Variants in DLST observed in about 807,000 individuals in gnomAD.
DLST encodes dihydrolipoamide S-succinyltransferase.
In DLST, 17 loss-of-function variants were observed where a neutral mutation model predicts 53.1. That is an observed-to-expected ratio of 0.32 (90% CI 0.22 to 0.48). The LOEUF is 0.48. Ranked by LOEUF, DLST falls within the 20% of genes least tolerant of loss-of-function variation. The pLI is 0.99. For missense variants in DLST, 512 were observed against 583.9 expected, an observed-to-expected ratio of 0.88 and a Z score of 1.27; for synonymous variants, 206 against 204.8, an observed-to-expected ratio of 1.01 and a Z score of -0.05.
At chr14:74,882,874 C>T (rs1883576921) in intron 2 of DLST, among the ~76,000 whole-genome samples, 1 of 152,210 alleles carries the variant, frequency 6.6e-6, no homozygotes, top group Admixed American at 6.5e-5. Context: ...AGTTCTTGCC[C>T]TCGTGGAGCT....
chr14:74,898,335 T>C (rs573219753), intron 10 of DLST, 34 bp from the exon 11 acceptor site: 1 of 1,602,532 alleles, frequency 6.2e-7, no homozygotes, highest in African/African-American at 1.3e-5. Flanking sequence ...AAATGCAGGC[T>C]TTGTGGTCAG....
intron 7 of DLST, chr14:74,891,944 TA>T: frequency 1.4e-6 from 1 of 711,382 alleles, no homozygotes; most frequent in Non-Finnish European, 1.7e-6. Flanking sequence ...GTCTTAGCAC[TA>T]ACCCTGGATA....
intron 2 of DLST, among the ~76,000 whole-genome samples, chr14:74,883,316 T>C (rs1222052525): frequency 7.1e-6 from 1 of 139,886 alleles, no homozygotes; most frequent in Non-Finnish European, 1.5e-5. Context: ...AAAAAAAAAG[T>C]TATGGCTAGC....
At chr14:74,898,028 AGGAT>A (rs907892059) in intron 10 of DLST, among the ~76,000 whole-genome samples, 1 of 149,788 alleles carries the variant, frequency 6.7e-6, no homozygotes, top group African/African-American at 2.5e-5. Flanking sequence ...ATTTTTTTTC[AGGAT>A]GGATAGCTCA....
At chr14:74,891,283 A>C in intron 7 of DLST, 116 bp downstream of exon 7, 1 of 1,521,428 alleles carries the variant, frequency 6.6e-7, no homozygotes, top group Non-Finnish European at 8.9e-7. Context: ...AGCTGCCCTT[A>C]GTTGAGGGAA....
intron 10 of DLST, among the ~76,000 whole-genome samples, chr14:74,898,041 C>T (rs1377014433): frequency 1.3e-5 from 2 of 150,050 alleles, no homozygotes; most frequent in Non-Finnish European, 2.9e-5. Flanking sequence ...ATGGATAGCT[C>T]AGTTATTCAG....
At chr14:74,883,911 G>A (rs570885890) in intron 2 of DLST, among the ~76,000 whole-genome samples, 54 of 152,246 alleles carry the variant, frequency 3.5e-4, no homozygotes, top group Non-Finnish European at 6.6e-4. Context: ...CTCTAGCCTC[G>A]AGATTTTATG....
At chr14:74,894,891 T>C (rs906840064) in intron 10 of DLST, among the ~76,000 whole-genome samples, 3 of 152,108 alleles carry the variant, frequency 2.0e-5, no homozygotes, top group Non-Finnish European at 4.4e-5. Flanking sequence ...GCTTCTTCTC[T>C]AATTGGCTTT....
At position 74,891,246 on chromosome 14, in the gene DLST, C is replaced by T. The variant is rs115591330; in HGVS notation, c.442+79C>T. ...GACTGAGCATAATGTGCTAATTCCC[C>T]GATATGTCAAAGACTCTTGTCATTC... is the stretch of plus-strand genomic sequence containing the variant. On this transcript the variant is annotated intron_variant, in intron 7 of 14. Coordinates refer to ENST00000334220, the MANE Select transcript of DLST (RefSeq NM_001933.5). 6,994 of 1,590,518 alleles carry T rather than the reference C, an allele frequency of 4.4e-3. 97 individuals carry two copies. The highest frequency in any genetic ancestry group is 0.03 in the African/African-American group (2,249 of 74,516).
chr14:74,901,476 A>G (rs1884244405), intron 14 of DLST, among the ~76,000 whole-genome samples: 2 of 152,240 alleles, frequency 1.3e-5, no homozygotes, highest in South Asian at 4.1e-4. Flanking sequence ...ATCCTGATGC[A>G]TATTCAAGTT....
chr14:74,888,276 T>G (rs992870390), intron 3 of DLST, among the ~76,000 whole-genome samples: 1,210 of 69,756 alleles, frequency 0.017, 10 homozygotes, highest in African/African-American at 0.055. Context: ...GTTTTTGGGT[T>G]TTTTTTTTTT....
chr14:74,893,980 A>G (rs1883994295), intron 9 of DLST, among the ~76,000 whole-genome samples: 1 of 152,216 alleles, frequency 6.6e-6, no homozygotes, highest in African/African-American at 2.4e-5. Flanking sequence ...ATCAACAGAA[A>G]GTGCCCTTTT....
At position 74,881,969 on chromosome 14, in the gene DLST, C is replaced by A. The variant is rs544892049; in HGVS notation, c.16C>A (p.Arg6Ser). Residue 6 changes from arginine (R) to serine (S), a missense_variant, in exon 1 of 15, where the codon CGC becomes AGC. Coordinates refer to ENST00000334220, the MANE Select transcript of DLST (RefSeq NM_001933.5). Reference sequence around the variant, plus strand: ...CTCCGCCGTGATGCTGTCCCGATCCCGCTGTGTGTCTCGGGCGTTCAGCCG... The same window carrying A: ...CTCCGCCGTGATGCTGTCCCGATCCAGCTGTGTGTCTCGGGCGTTCAGCCG... MLSRS[R>S]CVSRAFSRSL... 76 of 1,569,916 alleles carry A rather than the reference C, an allele frequency of 4.8e-5. No homozygotes were observed. Among genetic ancestry groups the A allele is most frequent in the Admixed American group, 1.2e-4 (7 of 57,302 alleles).
At chr14:74,890,349 C>T (rs1266403855) in intron 6 of DLST, among the ~76,000 whole-genome samples, 1 of 152,056 alleles carries the variant, frequency 6.6e-6, no homozygotes, top group Non-Finnish European at 1.5e-5. Context: ...AACTCTTGAC[C>T]TCAGGTGATC....
intron 1 of DLST, 119 bp downstream of exon 1, chr14:74,882,135 G>A: frequency 1.1e-6 from 1 of 928,126 alleles, no homozygotes; most frequent in Non-Finnish European, 1.4e-6. Context: ...GCACTGGGAC[G>A]CGGAGGCCGC....
intron 10 of DLST, among the ~76,000 whole-genome samples, chr14:74,898,133 C>G (rs1884129210): frequency 6.6e-6 from 1 of 151,906 alleles, no homozygotes; most frequent in Admixed American, 6.6e-5. Flanking sequence ...CATGAAGGAG[C>G]CCTGTAAAGA....
chr14:74,890,124 CTTT>C lies in DLST; in HGVS notation c.330+193_330+195del, dbSNP rs34237381. Among the ~76,000 whole-genome samples the C allele has an allele frequency of 8.4e-3, 716 of 85,090 alleles. 5 individuals carry two copies. The highest frequency in any genetic ancestry group is 0.039 in the African/African-American group (664 of 17,002). 55.8% of individuals were successfully genotyped at this position (85,090 alleles called of 152,430 possible). A position where few individuals can be genotyped will look rare whatever the true frequency, so the allele number is the denominator to read the frequency against. ...AAAAAAAACAACTTTTTACATTTAA[CTTT>C]TTTTTTTTTTTTTTTTTTTTGAGAC... is the stretch of plus-strand genomic sequence containing the variant. On this transcript the variant is annotated intron_variant, in intron 6 of 14. Coordinates refer to ENST00000334220, the MANE Select transcript of DLST (RefSeq NM_001933.5).
At chr14:74,889,707 T>C (rs1476316135) in intron 5 of DLST, 190 bp from the exon 6 acceptor site, 3 of 594,172 alleles carry the variant, frequency 5.0e-6, no homozygotes, top group Non-Finnish European at 5.9e-6. Flanking sequence ...TAAGTTTAAG[T>C]GCTATCTAAA....
Position 74,899,884 on chromosome 14 carries a change from C to G in DLST, c.902-39C>G, listed in dbSNP as rs1274784394. The G allele has an allele frequency of 5.9e-6, 9 of 1,533,878 alleles. No homozygotes were observed. The South Asian group carries it at 8.0e-5, about 14-fold the overall frequency. On this transcript the variant is annotated intron_variant, in intron 11 of 14. Coordinates refer to ENST00000334220, the MANE Select transcript of DLST (RefSeq NM_001933.5). ...TATTACCTCATTAGTCTTGGCCTTCCTGGGGAGTTGTATGTAACATGTATT... is the reference window on the plus strand; with the variant it reads ...TATTACCTCATTAGTCTTGGCCTTCGTGGGGAGTTGTATGTAACATGTATT...
Sources: gnomAD v4.1 joint callset for allele counts (sites outside exome capture counted in the v4.1 genomes callset) on GRCh38, gnomAD v4.1.1 for gene constraint, MANE v1.5 for transcripts, NCBI Gene and HGNC (gene_info 2026-07-23, HGNC 2026-07-21) for gene names.